COG5: variants seen among roughly 807,000 people sequenced by gnomAD.
COG5 encodes the protein component of oligomeric golgi complex 5, also known as conserved oligomeric Golgi complex subunit 5.
COG5 carries 86 observed loss-of-function variants against 110.4 expected under a neutral mutation model. That is an observed-to-expected ratio of 0.78 (90% confidence interval 0.65 to 0.93). The LOEUF is 0.93. Ranked by LOEUF, COG5 falls within the 40% of genes least tolerant of loss-of-function variation. The pLI, the probability that COG5 is intolerant of heterozygous loss-of-function variation, is 0.00. For synonymous variants in COG5, 360 were observed against 334.6 expected (o/e 1.08, Z -0.83); for missense variants, 1,077 against 987.0 (o/e 1.09, Z -1.22).
At chr7:107,405,084 C>G (rs1390487364) in intron 7 of COG5, among the ~76,000 whole-genome samples, 2 of 152,088 alleles carry the variant, frequency 1.3e-5, no homozygotes, top group Non-Finnish European at 2.9e-5. Flanking sequence ...TTAGAATAAA[C>G]TGCTTGGTCT....
chr7:107,275,729 G>C lies in COG5; in HGVS notation c.1575+5571C>G, dbSNP rs192588973. ...AGTAGAGATGAGGTTTCACCATTTTGGTCAGGCTGGTCTTGAACTTCTGAC... is the reference window on the plus strand; with the variant it reads ...AGTAGAGATGAGGTTTCACCATTTTCGTCAGGCTGGTCTTGAACTTCTGAC... On this transcript the variant is annotated intron_variant, in intron 14 of 21. Coordinates refer to ENST00000297135, the MANE Select transcript of COG5 (RefSeq NM_006348.5). 5.9e-5 allele frequency among the ~76,000 whole-genome samples: 9 copies of C among 151,584 alleles called. No homozygotes were observed. The East Asian group carries it at 1.8e-3, about 30-fold the overall frequency.
At chr7:107,363,251 A>G (rs1813285800) in intron 8 of COG5, among the ~76,000 whole-genome samples, 1 of 152,178 alleles carries the variant, frequency 6.6e-6, no homozygotes, top group South Asian at 2.1e-4. Context: ...AATAAAAACA[A>G]AGCAGGATTC....
intron 12 of COG5, among the ~76,000 whole-genome samples, chr7:107,284,800 T>TA (rs1805491361): frequency 1.3e-5 from 2 of 152,220 alleles, no homozygotes; most frequent in African/African-American, 4.8e-5. Flanking sequence ...CATGTTTCCT[T>TA]ACTCCTATAA....
chr7:107,462,588 A>C (rs1043948710), intron 6 of COG5, among the ~76,000 whole-genome samples: 4 of 148,318 alleles, frequency 2.7e-5, no homozygotes, highest in Non-Finnish European at 5.9e-5. Context: ...AAAACACATT[A>C]GAACTAGGAG....
chr7:107,398,634 G>A (rs948103028), intron 7 of COG5, among the ~76,000 whole-genome samples: 1 of 151,984 alleles, frequency 6.6e-6, no homozygotes, highest in Non-Finnish European at 1.5e-5. Context: ...AAAAGGCTGG[G>A]GATCACTGCA....
intron 6 of COG5, among the ~76,000 whole-genome samples, chr7:107,441,970 G>C (rs1544336): frequency 0.28 from 42,796 of 152,114 alleles, 6,066 homozygotes; most frequent in East Asian, 0.33. Context: ...TCCATGAACT[G>C]AGCAAATATG....
intron 11 of COG5, among the ~76,000 whole-genome samples, chr7:107,322,356 A>G (rs1040907343): frequency 6.6e-6 from 1 of 152,208 alleles, no homozygotes; most frequent in Admixed American, 6.5e-5. Flanking sequence ...GGCCCTCACC[A>G]AATACTAAAT....
At chr7:107,426,176 G>A (rs541789058) in intron 6 of COG5, among the ~76,000 whole-genome samples, 1 of 152,194 alleles carries the variant, frequency 6.6e-6, no homozygotes, top group African/African-American at 2.4e-5. Flanking sequence ...CCCAGTTTGT[G>A]GTACTTTGTT....
chr7:107,281,738 C>T (rs1008097795), intron 13 of COG5, among the ~76,000 whole-genome samples: 3 of 152,106 alleles, frequency 2.0e-5, no homozygotes, highest in Admixed American at 1.3e-4. Context: ...ATATCACAGA[C>T]ATCTGCAAGG....
At chr7:107,265,870 C>T (rs1198548221) in intron 14 of COG5, among the ~76,000 whole-genome samples, 1 of 152,008 alleles carries the variant, frequency 6.6e-6, no homozygotes, top group Non-Finnish European at 1.5e-5. Context: ...ACCTGAGCAA[C>T]ATAGTGAGAC....
intron 10 of COG5, among the ~76,000 whole-genome samples, chr7:107,357,423 A>G (rs1447126251): frequency 6.6e-6 from 1 of 152,186 alleles, no homozygotes; most frequent in Non-Finnish European, 1.5e-5. Flanking sequence ...TTGCCCTTAA[A>G]AAAATTTCAA....
chr7:107,341,355 G>C (rs1460264650), intron 10 of COG5, among the ~76,000 whole-genome samples: 1 of 151,832 alleles, frequency 6.6e-6, no homozygotes, highest in South Asian at 2.1e-4. Context: ...TATACAAAAT[G>C]CTGCTGAAAG....
At chr7:107,272,330 C>A (rs1804345425) in intron 14 of COG5, among the ~76,000 whole-genome samples, 4 of 152,164 alleles carry the variant, frequency 2.6e-5, no homozygotes, top group Admixed American at 2.0e-4. Context: ...GATCTGGAAG[C>A]CCCCTCCCCG....
intron 5 of COG5, among the ~76,000 whole-genome samples, chr7:107,538,339 A>T (rs1801736810): frequency 6.6e-6 from 1 of 152,192 alleles, no homozygotes; most frequent in Non-Finnish European, 1.5e-5. Flanking sequence ...CCAATCTTTC[A>T]TGCCCTATGT....
intron 3 of COG5, among the ~76,000 whole-genome samples, chr7:107,552,668 T>A (rs1386630109): frequency 6.6e-6 from 1 of 152,172 alleles, no homozygotes; most frequent in African/African-American, 2.4e-5. Flanking sequence ...AATGCTTATA[T>A]GCTTTTGGTG....
intron 6 of COG5, chr7:107,470,027 C>T (rs1796540294): frequency 1.3e-5 from 2 of 152,268 alleles, no homozygotes; most frequent in South Asian, 4.1e-4. Flanking sequence ...CTGCATCTCT[C>T]TGCAGTGGAG....
intron 11 of COG5, among the ~76,000 whole-genome samples, chr7:107,309,632 CA>C (rs1341281659): frequency 6.6e-6 from 1 of 152,034 alleles, no homozygotes; most frequent in African/African-American, 2.4e-5. Flanking sequence ...ATACAAGAAA[CA>C]AATTACTGAG....
Position 107,281,344 on chromosome 7 carries a change from C to T in COG5, c.1531G>A (p.Val511Met). ...TNLTLAVSKNVAKTIQLYSVK... is the reference protein window; with the variant it reads ...TNLTLAVSKNMAKTIQLYSVK... ...CTGTATAACTGGATGGTCTTTGCCA[C>T]ATTTTTTGACACAGCTAATGTGAGG... is the stretch of plus-strand genomic sequence containing the variant. The change falls in exon 14 of 22, where the codon GTG becomes ATG. Residue 511 changes from valine (V) to methionine (M), a missense_variant. Physicochemically the swap from Val to Met is conservative, Grantham distance 21. Transcript: ENST00000297135. The T allele has an allele frequency of 1.2e-6, 2 of 1,613,502 alleles. No homozygotes were observed. Among genetic ancestry groups the T allele is most frequent in the South Asian group, 1.1e-5 (1 of 91,064 alleles).
intron 14 of COG5, among the ~76,000 whole-genome samples, chr7:107,274,801 A>T (rs368931655): frequency 6.6e-6 from 1 of 152,056 alleles, no homozygotes; most frequent in South Asian, 2.1e-4. Context: ...AACAATTTCA[A>T]ATTTTTTACC....
Sources: gnomAD v4.1 joint callset for allele counts (sites outside exome capture counted in the v4.1 genomes callset) on GRCh38, gnomAD v4.1.1 for gene constraint, MANE v1.5 for transcripts, NCBI Gene and HGNC (gene_info 2026-07-23, HGNC 2026-07-21) for gene names.